The following FGF14 variants were observed in gnomAD, a reference collection of about 807,000 sequenced individuals.
The protein encoded by FGF14 is fibroblast growth factor 14.
In FGF14, 5 loss-of-function variants were observed where a neutral mutation model predicts 25.5. That is an observed-to-expected ratio of 0.20 (90% confidence interval 0.10 to 0.41). FGF14 has a LOEUF of 0.41. Among genes scored for constraint, FGF14 ranks in the 10% least tolerant of loss-of-function variants. FGF14 has a pLI of 1.00. For missense variants in FGF14, 222 were observed against 320.1 expected, an observed-to-expected ratio of 0.69 and a Z score of 2.34; for synonymous variants, 138 against 118.3, an observed-to-expected ratio of 1.17 and a Z score of -1.08.
At chr13:102,397,386 C>G (rs904283682) in intron 1 of FGF14, among the ~76,000 whole-genome samples, 1 of 152,130 alleles carries the variant, frequency 6.6e-6, no homozygotes, top group Non-Finnish European at 1.5e-5. Context: ...TGTTCCACCT[C>G]AAAGTTACAC....
intron 1 of FGF14, among the ~76,000 whole-genome samples, chr13:102,078,453 TAC>T (rs58758109): frequency 0.042 from 6,371 of 152,166 alleles, 427 homozygotes; most frequent in African/African-American, 0.14. Flanking sequence ...ATAAAAAACT[TAC>T]AGTCTAGAGG....
At chr13:101,854,905 T>C (rs2044042686) in intron 3 of FGF14, among the ~76,000 whole-genome samples, 1 of 151,950 alleles carries the variant, frequency 6.6e-6, no homozygotes, top group South Asian at 2.1e-4. Context: ...CACAAATGAG[T>C]GTGCAGGAAA....
chr13:102,316,332 G>A (rs940555703), intron 1 of FGF14, among the ~76,000 whole-genome samples: 4 of 152,152 alleles, frequency 2.6e-5, no homozygotes, highest in Non-Finnish European at 5.9e-5. Flanking sequence ...CACATCAAGG[G>A]TTGAACATTC....
At chr13:102,282,075 TC>T (rs200493274) in intron 1 of FGF14, among the ~76,000 whole-genome samples, 63,827 of 147,464 alleles carry the variant, frequency 0.43, 14,095 homozygotes, top group East Asian at 0.53. Flanking sequence ...TTTTTTTTTT[TC>T]TTCCTTTGAG....
chr13:102,346,462 A>G (rs1231875191), intron 1 of FGF14, among the ~76,000 whole-genome samples: 3 of 152,092 alleles, frequency 2.0e-5, no homozygotes, highest in Non-Finnish European at 4.4e-5. Context: ...CAAACCCTAG[A>G]TTGTTATCCA....
At chr13:102,375,778 CTTGT>C (rs768767889) in intron 1 of FGF14, among the ~76,000 whole-genome samples, 17 of 152,148 alleles carry the variant, frequency 1.1e-4, no homozygotes, top group South Asian at 2.1e-4. Context: ...AGCTATCTGC[CTTGT>C]TTGTTTTTCC....
intron 3 of FGF14, among the ~76,000 whole-genome samples, chr13:101,855,423 G>A (rs2044075473): frequency 6.6e-6 from 1 of 151,914 alleles, no homozygotes; most frequent in African/African-American, 2.4e-5. Context: ...GAATGGTTAA[G>A]TTCATTTTAA....
chr13:102,176,861 G>GTT (rs5806280), intron 1 of FGF14, among the ~76,000 whole-genome samples: 20 of 151,818 alleles, frequency 1.3e-4, no homozygotes, highest in Admixed American at 1.1e-3. Flanking sequence ...TAAACGTGTG[G>GTT]TTTTTTTGTA....
At position 102,305,154 on chromosome 13, in the gene FGF14, T is replaced by C. The variant is rs376393239; in HGVS notation, c.208+96317A>G. Among the ~76,000 whole-genome samples the C allele has an allele frequency of 1.6e-3, 246 of 152,270 alleles. 1 individual carries two copies. The highest frequency in any genetic ancestry group is 5.5e-3 in the African/African-American group (230 of 41,558). ...ATATATAAAACAGATAAAACAATGATTTTGTCTTTTTACAAAGCTTAGAGT... is the reference window on the plus strand; with the variant it reads ...ATATATAAAACAGATAAAACAATGACTTTGTCTTTTTACAAAGCTTAGAGT... On this transcript the variant is annotated intron_variant, in intron 1 of 4. Transcript: ENST00000376131.
chr13:102,173,038 CA>C (rs2048311756), intron 1 of FGF14, among the ~76,000 whole-genome samples: 1 of 152,136 alleles, frequency 6.6e-6, no homozygotes, highest in South Asian at 2.1e-4. Flanking sequence ...TATAAACTAA[CA>C]GAATGAAAAG....
rs373474240 is a variant in FGF14 at position 101,846,335 on chromosome 13, T to C, written c.408+22390A>G. On this transcript the variant is annotated intron_variant, in intron 3 of 4. Transcript: ENST00000376143. ...TTAAAAAAAAAATCATCAGCCTTTA[T>C]GAAACTCAGAAAACCAGAAAAATTT... is the stretch of plus-strand genomic sequence containing the variant. Among the ~76,000 whole-genome samples, 224 of 152,092 alleles carry C rather than the reference T, an allele frequency of 1.5e-3. 1 individual carries two copies. The South Asian group carries it at 0.021, about 14-fold the overall frequency.
At chr13:102,158,821 C>A (rs556530112) in intron 1 of FGF14, among the ~76,000 whole-genome samples, 1 of 152,196 alleles carries the variant, frequency 6.6e-6, no homozygotes, top group Non-Finnish European at 1.5e-5. Context: ...ACAGGAATCA[C>A]AATTGTACTA....
Position 101,714,070 on chromosome 13 carries a change from A to C in FGF14, c.*8761T>G, listed in dbSNP as rs2034601890. 1 of 175,928 alleles carries C rather than the reference A, an allele frequency of 5.7e-6. No homozygotes were observed. The highest frequency in any genetic ancestry group is 2.4e-5 in the African/African-American group (1 of 42,388). The allele number at this position is 175,928 out of a possible 1,614,324, so 10.9% of individuals were successfully genotyped here. On this transcript the variant is annotated 3_prime_UTR_variant, in exon 5 of 5. Coordinates refer to ENST00000376143, the MANE Select transcript of FGF14 (RefSeq NM_004115.4). ...TACAATTCCCTATTCATTTCCTTTAAAGAGCAGGCACTTTAAAAACATGAT... is the reference window on the plus strand; with the variant it reads ...TACAATTCCCTATTCATTTCCTTTACAGAGCAGGCACTTTAAAAACATGAT...
intron 1 of FGF14, among the ~76,000 whole-genome samples, chr13:102,399,813 CAG>C (rs1403339891): frequency 6.6e-6 from 1 of 152,068 alleles, no homozygotes; most frequent in Non-Finnish European, 1.5e-5. Flanking sequence ...AACTAGAACA[CAG>C]GGAGGAGGAC....
rs1228508235 is a variant in FGF14 at position 102,351,170 on chromosome 13, A to G, written c.208+50301T>C. 2.6e-5 allele frequency among the ~76,000 whole-genome samples: 4 copies of G among 152,018 alleles called. No homozygotes were observed. The East Asian group carries it at 7.7e-4, about 29-fold the overall frequency. On this transcript the variant is annotated intron_variant, in intron 1 of 4. Coordinates refer to the FGF14 transcript ENST00000376131. ...TTCCTCCTTCTGAATCTCTCATTAT[A>G]TTTCTTTCCTATGTGAATCAAAAAG...
intron 3 of FGF14, among the ~76,000 whole-genome samples, chr13:101,854,029 C>T (rs1462277769): frequency 6.6e-6 from 1 of 152,014 alleles, no homozygotes; most frequent in South Asian, 2.1e-4. Context: ...GATAAAAATG[C>T]TCATTTAAAC....
chr13:101,775,036 G>C (rs1451119291), intron 3 of FGF14, among the ~76,000 whole-genome samples: 1 of 150,444 alleles, frequency 6.6e-6, no homozygotes, highest in East Asian at 1.9e-4. Flanking sequence ...CCCTGAAGTA[G>C]AGAAAGCAGA....
rs568718030 is a variant in FGF14, at chr13:102,374,586, T to C, written c.208+26885A>G. ...TATTGAAGAATAATAAATGTAAAAG[T>C]AAATTTTAAAGTTTCAGGTGATATT... On this transcript the variant is annotated intron_variant, in intron 1 of 4. Coordinates refer to the FGF14 transcript ENST00000376131. 7.6e-4 allele frequency among the ~76,000 whole-genome samples: 107 copies of C among 140,964 alleles called. 1 individual carries two copies. The South Asian group carries it at 0.023, about 30-fold the overall frequency. 92.5% of individuals were successfully genotyped at this position (140,964 alleles called of 152,430 possible).
intron 1 of FGF14, among the ~76,000 whole-genome samples, chr13:101,970,098 T>C (rs1399980068): frequency 6.6e-6 from 1 of 152,218 alleles, no homozygotes; most frequent in Non-Finnish European, 1.5e-5. Context: ...GGTTATCAAG[T>C]CTGGGAGACC....
Sources: gnomAD v4.1 joint callset for allele counts (sites outside exome capture counted in the v4.1 genomes callset) on GRCh38, gnomAD v4.1.1 for gene constraint, MANE v1.5 for transcripts, NCBI Gene and HGNC (gene_info 2026-07-23, HGNC 2026-07-21) for gene names.